The following FIS1 variants were observed in gnomAD, a reference collection of about 807,000 sequenced individuals.
The protein encoded by FIS1 is fission, mitochondrial 1.
In FIS1, 16 loss-of-function variants were observed where a neutral mutation model predicts 21.6. The ratio of observed to expected loss-of-function variants is 0.74; its 90% CI spans 0.50 to 1.12. The LOEUF is 1.12. FIS1 is among the 50% of genes most tolerant of loss of function. The pLI is 0.00. For missense variants in FIS1, 198 were observed against 190.9 expected, an observed-to-expected ratio of 1.04 and a Z score of -0.22; for synonymous variants, 92 against 82.2, an observed-to-expected ratio of 1.12 and a Z score of -0.65.
In FIS1 at chr7:101,245,034, A is replaced by G; in HGVS notation, c.-30T>C. The G allele has an allele frequency of 1.9e-6, 3 of 1,613,298 alleles. No individual in the cohort carries two copies. The highest frequency in any genetic ancestry group is 1.7e-6 in the Non-Finnish European group (2 of 1,179,614). ...ACTGCCCCCGCGAGCCTCACACTACAGTCTACTGTGCCACAGTCTCCATGG... is the reference window on the plus strand; with the variant it reads ...ACTGCCCCCGCGAGCCTCACACTACGGTCTACTGTGCCACAGTCTCCATGG... On this transcript the variant is annotated 5_prime_UTR_variant, in exon 1 of 5. Coordinates refer to ENST00000223136, the MANE Select transcript of FIS1 (RefSeq NM_016068.3).
chr7:101,244,141 T>A lies in FIS1; in HGVS notation c.46-2A>T. On this transcript the variant is annotated splice_acceptor_variant, in intron 1 of 4. Transcript: ENST00000223136. LOFTEE classifies it high-confidence loss of function. ...AGACTGAAATTTCTTTTCAAACTTCTGCCACAGGGGAGGAAAGGAATCATT... is the reference window on the plus strand; with the variant it reads ...AGACTGAAATTTCTTTTCAAACTTCAGCCACAGGGGAGGAAAGGAATCATT... 1 of 1,612,978 alleles carries A rather than the reference T, an allele frequency of 6.2e-7. No homozygotes were observed. Among genetic ancestry groups the A allele is most frequent in the Admixed American group, 1.7e-5 (1 of 59,938 alleles).
Position 101,244,032 on chromosome 7 carries a change from G to C in FIS1, c.153C>G (p.Ile51Met). The change falls in exon 2 of 5, where the codon ATC becomes ATG. Residue 51 changes from isoleucine (I) to methionine (M), a missense_variant. By Grantham distance (10) the Ile-to-Met change is conservative. Transcript: ENST00000223136. ...CLVRSKYNDD[I>M]RKGIVLLEEL... ...CCTCGAGCAGCACGATGCCTTTACG[G>C]ATGTCATCATTGTACTTGCTCCGCA... is the stretch of plus-strand genomic sequence containing the variant. 6.2e-7 allele frequency: 1 copy of C among 1,613,828 alleles called. No homozygotes were observed. The highest frequency in any genetic ancestry group is 1.1e-5 in the South Asian group (1 of 91,044).
Position 101,245,038 on chromosome 7 carries a change from T to C in FIS1, c.-34A>G, listed in dbSNP as rs568226857. On this transcript the variant is annotated 5_prime_UTR_variant, in exon 1 of 5. The change abolishes the stop of an existing upstream ORF in the 5' untranslated region. Coordinates refer to ENST00000223136, the MANE Select transcript of FIS1 (RefSeq NM_016068.3). ...CCCCCGCGAGCCTCACACTACAGTC[T>C]ACTGTGCCACAGTCTCCATGGCCCA... 9 of 1,612,908 alleles carry C rather than the reference T, an allele frequency of 5.6e-6. No homozygotes were observed. In the South Asian group the frequency reaches 7.7e-5, roughly 14 times the overall value.
At chr7:101,241,956 C>T (rs1296360282) in intron 2 of FIS1, among the ~76,000 whole-genome samples, 6 of 151,912 alleles carry the variant, frequency 3.9e-5, no homozygotes, top group Non-Finnish European at 7.4e-5. Flanking sequence ...AAACAAAAAA[C>T]GGAGACAGGG....
intron 2 of FIS1, chr7:101,241,250 T>A (rs958993318): frequency 2.5e-5 from 6 of 243,354 alleles, no homozygotes; most frequent in Non-Finnish European, 4.0e-5. Context: ...CAGACGGAGT[T>A]TCACTCGTCG....
chr7:101,244,759 T>G, intron 1 of FIS1: 1 of 627,332 alleles, frequency 1.6e-6, no homozygotes, highest in Non-Finnish European at 2.8e-6. Context: ...TGTGGGGGGC[T>G]CAGGACACTA....
chr7:101,243,404 T>C (rs921922769), intron 2 of FIS1, among the ~76,000 whole-genome samples: 15 of 152,100 alleles, frequency 9.9e-5, no homozygotes, highest in African/African-American at 3.4e-4. Context: ...GGTGAAACCC[T>C]ATCTCTACAA....
In FIS1 at chr7:101,240,916, G is replaced by C; in HGVS notation, c.179-10C>G. The C allele has an allele frequency of 6.2e-7, 1 of 1,613,848 alleles. No homozygotes were observed. Among genetic ancestry groups the C allele is most frequent in the East Asian group, 2.2e-5 (1 of 44,864 alleles). On this transcript the variant is annotated splice_polypyrimidine_tract_variant and intron_variant, in intron 2 of 4. Coordinates refer to ENST00000223136, the MANE Select transcript of FIS1 (RefSeq NM_016068.3). Reference sequence around the variant, plus strand: ...CCTTTGGGCAGCAGCTCTGGGGAGGGGCAGAGAAGAGGGTGAGAAATGCTT... The same window carrying C: ...CCTTTGGGCAGCAGCTCTGGGGAGGCGCAGAGAAGAGGGTGAGAAATGCTT...
At position 101,240,209 on chromosome 7, in the gene FIS1, C is replaced by T. The variant is rs1798723386; in HGVS notation, c.294G>A (p.Leu98=). 1 of 1,614,236 alleles carries T rather than the reference C, an allele frequency of 6.2e-7. No homozygotes were observed. The highest frequency in any genetic ancestry group is 1.6e-4 in the Middle Eastern group (1 of 6,062). Reference sequence around the variant, plus strand: ...CCTGGTTGTTCTGGGGCTCTGTCTGCAGCAACCCGCGGACGTACTTTAAGG... The same window carrying T: ...CCTGGTTGTTCTGGGGCTCTGTCTGTAGCAACCCGCGGACGTACTTTAAGG... ...EKALKYVRGL[L]QTEPQNNQAK... The change falls in exon 4 of 5, where the codon CTG becomes CTA. Residue 98 remains leucine, a synonymous_variant. Coordinates refer to ENST00000223136, the MANE Select transcript of FIS1 (RefSeq NM_016068.3).
intron 3 of FIS1, 46 bp from the exon 4 acceptor site, chr7:101,240,293 T>TTTTG (rs750807708): frequency 6.3e-7 from 1 of 1,586,386 alleles, no homozygotes; most frequent in Non-Finnish European, 8.7e-7. Flanking sequence ...CGCAGTGTTT[T>TTTTG]TTTGTTTGTT....
intron 2 of FIS1, 72 bp from the exon 3 acceptor site, chr7:101,240,978 C>T: frequency 6.9e-7 from 1 of 1,456,030 alleles, no homozygotes; most frequent in Non-Finnish European, 9.6e-7. Flanking sequence ...GTCCCAGAGG[C>T]CCCTTCCACT....
At chr7:101,240,103 G>A (rs1356221768) in intron 4 of FIS1, 39 bp downstream of exon 4, 1 of 1,600,556 alleles carries the variant, frequency 6.2e-7, no homozygotes, top group Non-Finnish European at 8.6e-7. Context: ...CCCAGGCGTG[G>A]GGAAGAGCGG....
intron 2 of FIS1, 117 bp from the exon 3 acceptor site, chr7:101,241,023 GTCCTA>G: frequency 7.2e-6 from 7 of 970,738 alleles, no homozygotes; most frequent in African/African-American, 1.6e-5. Context: ...GAGGGTCACA[GTCCTA>G]AGCCTCCCTT....
chr7:101,241,197 G>A (rs1798742040), intron 2 of FIS1: 1 of 390,492 alleles, frequency 2.6e-6, no homozygotes, highest in Non-Finnish European at 4.7e-6. Context: ...AGAAGCCAAA[G>A]GCAGCGTGAC....
rs140676162 is a variant in FIS1 at position 101,241,403 on chromosome 7, T to G, written c.179-497A>C. Among the ~76,000 whole-genome samples the G allele has an allele frequency of 1.2e-3, 180 of 152,108 alleles. 2 individuals carry two copies. The highest frequency in any genetic ancestry group is 3.8e-3 in the African/African-American group (156 of 41,518). ...GCCTGGCTAATTTTTGTATTTTCAG[T>G]AGAGATGGAGTTTCACCATGTTGGC... On this transcript the variant is annotated intron_variant, in intron 2 of 4. Transcript: ENST00000223136.
chr7:101,239,757 G>T lies in FIS1; in HGVS notation c.*49C>A. ...GGGGAGAACAGGGAAAGGACAGCGA[G>T]GATGGACAGGCCCTCCTGGAGCGTT... On this transcript the variant is annotated 3_prime_UTR_variant, in exon 5 of 5. Coordinates refer to ENST00000223136, the MANE Select transcript of FIS1 (RefSeq NM_016068.3). The T allele has an allele frequency of 1.4e-6, 2 of 1,408,696 alleles. No homozygotes were observed. The highest frequency in any genetic ancestry group is 2.0e-6 in the Non-Finnish European group (2 of 1,020,996). 87.3% of individuals were successfully genotyped at this position (1,408,696 alleles called of 1,614,324 possible).
chr7:101,244,638 T>C, intron 1 of FIS1: 2 of 482,822 alleles, frequency 4.1e-6, no homozygotes, highest in East Asian at 7.3e-5. Flanking sequence ...CACCTTATGA[T>C]GGTCACTGTA....
intron 3 of FIS1, 121 bp from the exon 4 acceptor site, chr7:101,240,368 A>G (rs760499009): frequency 4.0e-4 from 363 of 908,312 alleles, no homozygotes; most frequent in Admixed American, 7.8e-4. Flanking sequence ...TCGCAATCAC[A>G]GCCCACTGCA....
chr7:101,239,881 G>A lies in FIS1; in HGVS notation c.384C>T (p.Ile128=). ...MKKDGLVGMA[I]VGGMALGVAG... Reference sequence around the variant, plus strand: ...CCACACCCAGGGCCATGCCTCCCACGATGGCCATGCCCACGAGTCCATCTG... The same window carrying A: ...CCACACCCAGGGCCATGCCTCCCACAATGGCCATGCCCACGAGTCCATCTG... The change falls in exon 5 of 5, where the codon ATC becomes ATT. Residue 128 remains isoleucine (I), a synonymous_variant. Coordinates refer to ENST00000223136, the MANE Select transcript of FIS1 (RefSeq NM_016068.3). The A allele has an allele frequency of 1.2e-6, 2 of 1,607,890 alleles. No homozygotes were observed. Among genetic ancestry groups the A allele is most frequent in the Admixed American group, 1.7e-5 (1 of 59,190 alleles).
Sources: gnomAD v4.1 joint callset for allele counts (sites outside exome capture counted in the v4.1 genomes callset) on GRCh38, gnomAD v4.1.1 for gene constraint, MANE v1.5 for transcripts, NCBI Gene and HGNC (gene_info 2026-07-23, HGNC 2026-07-21) for gene names.